PFKFB3: variants seen among roughly 807,000 people sequenced by gnomAD.
PFKFB3 encodes 6-phosphofructo-2-kinase/fructose-2,6-bisphosphatase 3.
In PFKFB3, 33 loss-of-function variants were observed where a neutral mutation model predicts 68.0. That is an observed-to-expected ratio of 0.49 (90% CI 0.37 to 0.65). PFKFB3 has a LOEUF of 0.65. Ranked by LOEUF, PFKFB3 falls within the 30% of genes least tolerant of loss-of-function variation. The pLI is 0.00. For missense variants in PFKFB3, 586 were observed against 712.2 expected (o/e 0.82, Z 2.02); for synonymous variants, 315 against 288.2 (o/e 1.09, Z -0.94).
In PFKFB3 at chr10:6,215,385, G is replaced by A. The variant is rs1844503774; in HGVS notation, c.299+68G>A. 4.1e-6 allele frequency: 5 copies of A among 1,219,440 alleles called. No homozygotes were observed. The Admixed American group carries it at 9.0e-5, about 22-fold the overall frequency. 75.5% of individuals were successfully genotyped at this position (1,219,440 alleles called of 1,614,324 possible). A position where few individuals can be genotyped will look rare whatever the true frequency, so the allele number is the denominator to read the frequency against. ...GGCTGGGCCGCGGGCATAAGGCTGG[G>A]CTGCAGGAGTAAGGCTGGGCCGCGG... On this transcript the variant is annotated intron_variant, in intron 3 of 14. Transcript: ENST00000379775. The surrounding 1 kb of genome is among the most constrained non-coding windows in gnomAD (Gnocchi z 4.3).
In PFKFB3 at chr10:6,151,295, C is replaced by T. The variant is rs529787468; in HGVS notation, c.16+6282C>T. On this transcript the variant is annotated intron_variant, in intron 1 of 14. Transcript: ENST00000379789. ...TGTCTGAAGAGCAGCGGGGTTTGGTCGTCCTGGCACTTCCGCAAGCAGCCT... is the reference window on the plus strand; with the variant it reads ...TGTCTGAAGAGCAGCGGGGTTTGGTTGTCCTGGCACTTCCGCAAGCAGCCT... Among the ~76,000 whole-genome samples, 76 of 151,756 alleles carry T rather than the reference C, an allele frequency of 5.0e-4. 2 individuals are homozygous for T. In the South Asian group the frequency reaches 7.3e-3, roughly 15 times the overall value.
Position 6,233,111 on chromosome 10 carries a change from G to T in PFKFB3, c.*169G>T, listed in dbSNP as rs756054427. 5 of 612,082 alleles carry T rather than the reference G, an allele frequency of 8.2e-6. No homozygotes were observed. The highest frequency in any genetic ancestry group is 1.5e-5 in the Non-Finnish European group (5 of 344,156). 37.9% of individuals were successfully genotyped at this position (612,082 alleles called of 1,614,324 possible). On this transcript the variant is annotated 3_prime_UTR_variant, in exon 15 of 15. Transcript: ENST00000379775. Reference sequence around the variant, plus strand: ...TGCTTGGCACCGTCTGTGTCCCCTCGGCCGCTGGACACCAGAAAGCCACGT... The same window carrying T: ...TGCTTGGCACCGTCTGTGTCCCCTCTGCCGCTGGACACCAGAAAGCCACGT...
intron 6 of PFKFB3, 47 bp downstream of exon 6, chr10:6,217,238 A>G (rs1337095911): frequency 7.8e-6 from 12 of 1,541,350 alleles, no homozygotes; most frequent in Non-Finnish European, 1.1e-5. Context: ...GTAGACCACA[A>G]GGGCATTTGC....
intron 1 of PFKFB3, among the ~76,000 whole-genome samples, chr10:6,187,684 G>A (rs1842908075): frequency 6.6e-6 from 1 of 152,138 alleles, no homozygotes; most frequent in South Asian, 2.1e-4. Context: ...AGAATTTTTA[G>A]CTGCCATGGG....
At chr10:6,203,758 C>G (rs911044913) in intron 1 of PFKFB3, among the ~76,000 whole-genome samples, 1 of 152,226 alleles carries the variant, frequency 6.6e-6, no homozygotes, top group Non-Finnish European at 1.5e-5. Context: ...GTTTCCATCT[C>G]CTCTCCCGCC....
intron 14 of PFKFB3, chr10:6,226,574 G>T: frequency 1.8e-6 from 1 of 560,840 alleles, no homozygotes; most frequent in Non-Finnish European, 3.1e-6. Context: ...AGCACCCTCC[G>T]AAGTTAAGAT....
At chr10:6,175,718 A>AT (rs2131759990) in intron 1 of PFKFB3, among the ~76,000 whole-genome samples, 1 of 152,362 alleles carries the variant, frequency 6.6e-6, no homozygotes, top group African/African-American at 2.4e-5. Context: ...GGTGGTGGTC[A>AT]TAAAAGAGGC....
intron 1 of PFKFB3, among the ~76,000 whole-genome samples, chr10:6,165,472 A>G (rs570998407): frequency 1.3e-5 from 2 of 152,288 alleles, no homozygotes; most frequent in East Asian, 3.9e-4. Context: ...CCTTATGAGG[A>G]AGAGGCTAGA....
At chr10:6,193,235 C>A (rs1843080855) in intron 1 of PFKFB3, among the ~76,000 whole-genome samples, 1 of 152,118 alleles carries the variant, frequency 6.6e-6, no homozygotes. Flanking sequence ...CCCATAATCC[C>A]AGATACTCGG....
the PFKFB3 span, among the ~76,000 whole-genome samples, chr10:6,325,625 A>G: frequency 1.1e-4 from 16 of 152,368 alleles, no homozygotes; most frequent in South Asian, 3.1e-3. Flanking sequence ...CCTGAAAGAC[A>G]AAAATGGCAA....
chr10:6,267,322 C>T, the PFKFB3 span, among the ~76,000 whole-genome samples: 17 of 152,360 alleles, frequency 1.1e-4, no homozygotes, highest in Middle Eastern at 0.014. Flanking sequence ...CTACCCTGGA[C>T]GTACGTACTA....
At position 6,224,024 on chromosome 10, in the gene PFKFB3, A is replaced by G. The variant is rs1351562067; in HGVS notation, c.1276+4A>G. The G allele has an allele frequency of 1.5e-5, 25 of 1,614,002 alleles. No individual in the cohort carries two copies. The highest frequency in any genetic ancestry group is 2.1e-5 in the Non-Finnish European group (25 of 1,179,964). On this transcript the variant is annotated splice_donor_region_variant and intron_variant, in intron 12 of 14. Transcript: ENST00000379775. ...AAACTGACGCCTGTCGCTTATGGTG[A>G]GTAGCAACCCCTGCCAAGCCCTGTC...
the PFKFB3 span, among the ~76,000 whole-genome samples, chr10:6,304,438 C>A: frequency 2.0e-5 from 3 of 150,742 alleles, no homozygotes; most frequent in Admixed American, 6.7e-5. Context: ...ATATGCCAGT[C>A]CAGCCATCCT....
chr10:6,286,228 C>T, the PFKFB3 span, among the ~76,000 whole-genome samples: 769 of 152,262 alleles, frequency 5.1e-3, 4 homozygotes, highest in African/African-American at 0.018. Context: ...CTGCCCACCT[C>T]GGCCTCCCAA....
intron 1 of PFKFB3, among the ~76,000 whole-genome samples, chr10:6,190,921 G>A (rs575667007): frequency 5.9e-5 from 9 of 152,278 alleles, no homozygotes; most frequent in Admixed American, 5.9e-4. Context: ...TGGGATTATA[G>A]GCGTCTGCCA....
chr10:6,180,837 A>G (rs1360029728), intron 1 of PFKFB3, among the ~76,000 whole-genome samples: 1 of 152,202 alleles, frequency 6.6e-6, no homozygotes, highest in Non-Finnish European at 1.5e-5. Flanking sequence ...GACCCAAACT[A>G]AGATGTTCTA....
chr10:6,219,480 G>A (rs1054705520), intron 6 of PFKFB3, 89 bp from the exon 7 acceptor site: 35 of 1,404,418 alleles, frequency 2.5e-5, no homozygotes, highest in African/African-American at 4.2e-5. Flanking sequence ...CCTTCTGTGC[G>A]CTCCCCTTTT....
chr10:6,262,270 T>C, the PFKFB3 span, among the ~76,000 whole-genome samples: 38 of 151,034 alleles, frequency 2.5e-4, no homozygotes, highest in African/African-American at 6.3e-4. Flanking sequence ...CTGGCTAACA[T>C]GGTGAAACCC....
chr10:6,166,623 C>T (rs905851287), intron 1 of PFKFB3, among the ~76,000 whole-genome samples: 1 of 152,130 alleles, frequency 6.6e-6, no homozygotes, highest in African/African-American at 2.4e-5. Context: ...GCCAGGGCTT[C>T]TCTCAGACGG....
Sources: gnomAD v4.1 joint callset for allele counts (sites outside exome capture counted in the v4.1 genomes callset) on GRCh38, gnomAD v4.1.1 for gene constraint, Gnocchi (gnomAD v3.1) non-coding constraint, MANE v1.5 for transcripts, NCBI Gene and HGNC (gene_info 2026-07-23, HGNC 2026-07-21) for gene names.